Variants in KHDC1 observed in about 807,000 individuals in gnomAD.
KHDC1 encodes the protein KH homology domain-containing protein 1.
A neutral mutation model predicts 24.7 loss-of-function variants in KHDC1; 21 were observed. The ratio of observed to expected loss-of-function variants is 0.85; its 90% CI spans 0.60 to 1.23. The LOEUF (loss-of-function observed/expected upper bound fraction) is 1.23, where lower values mean the gene tolerates loss of function less well. Among genes scored for constraint, KHDC1 ranks in the 50% most tolerant of loss-of-function variants. The probability of loss-of-function intolerance (pLI) is 0.00; values close to 1 mark genes in which losing one functional copy is unlikely to be tolerated. For missense variants in KHDC1, 274 were observed against 298.5 expected (o/e 0.92, Z 0.61); for synonymous variants, 98 against 111.7 (o/e 0.88, Z 0.77).
intron 2 of KHDC1, among the ~76,000 whole-genome samples, chr6:73,264,064 T>G (rs1767036394): frequency 6.6e-6 from 1 of 152,074 alleles, no homozygotes; most frequent in Admixed American, 6.6e-5. Flanking sequence ...CTGGGCATGG[T>G]GGTGCACGCC....
In KHDC1 at chr6:73,309,816, A is replaced by T. The variant is rs1768046975; in HGVS notation, c.-102T>A. On this transcript the variant is annotated 5_prime_UTR_variant, in exon 1 of 5. Transcript: ENST00000370384. ...GCCGGCGGGAAGAGACCAGACACCG[A>T]CGGAGAAGCGAAGTTCAGGACGCGA... 6 of 1,383,426 alleles carry T rather than the reference A, an allele frequency of 4.3e-6. 1 individual carries two copies. Among genetic ancestry groups the T allele is most frequent in the Non-Finnish European group, 1.9e-6 (2 of 1,027,986 alleles). The allele number at this position is 1,383,426 out of a possible 1,614,324, so 85.7% of individuals were successfully genotyped here.
rs200318284 is a variant in KHDC1, at chr6:73,298,422, AAT to A, written c.164-6384_164-6383del. 4.8e-4 allele frequency among the ~76,000 whole-genome samples: 55 copies of A among 115,074 alleles called. 1 individual carries two copies. Among genetic ancestry groups the A allele is most frequent in the Non-Finnish European group, 6.7e-4 (41 of 61,320 alleles). 75.5% of individuals were successfully genotyped at this position (115,074 alleles called of 152,430 possible). On this transcript the variant is annotated intron_variant, in intron 1 of 4. Transcript: ENST00000370384. ...CCCTGGAAGGACTCTATACTTTGCA[AAT>A]TTTTTTTTTTTTTTTTTTTTTTTTT...
intron 1 of KHDC1, among the ~76,000 whole-genome samples, chr6:73,303,013 G>T (rs1308138208): frequency 1.3e-5 from 2 of 152,176 alleles, no homozygotes; most frequent in African/African-American, 4.8e-5. Flanking sequence ...AGAGGCAGAG[G>T]TTGCAGTGAG....
At chr6:73,287,307 C>G (rs1767540750) in intron 2 of KHDC1, among the ~76,000 whole-genome samples, 1 of 152,200 alleles carries the variant, frequency 6.6e-6, no homozygotes, top group South Asian at 2.1e-4. Flanking sequence ...GTCAAGGCCA[C>G]TTAACCCTCA....
chr6:73,242,511 T>C (rs1007360498), exon 3 of KHDC1: 5 of 1,614,020 alleles, frequency 3.1e-6, no homozygotes, highest in Non-Finnish European at 4.2e-6. Context: ...CTCGTTCCCA[T>C]GTCCATGCTC....
At chr6:73,291,969 G>C (rs1472727555) in intron 2 of KHDC1, 5 of 1,612,588 alleles carry the variant, frequency 3.1e-6, no homozygotes, top group Non-Finnish European at 4.2e-6. Flanking sequence ...AAGATGGCGG[G>C]GTACGACTTA....
At chr6:73,304,634 A>G (rs1767929472) in intron 1 of KHDC1, among the ~76,000 whole-genome samples, 1 of 152,146 alleles carries the variant, frequency 6.6e-6, no homozygotes, top group Admixed American at 6.6e-5. Context: ...TATCTTCTGA[A>G]TTTGCTACAA....
At chr6:73,277,780 T>A (rs1767324569) in intron 2 of KHDC1, among the ~76,000 whole-genome samples, 1 of 150,690 alleles carries the variant, frequency 6.6e-6, no homozygotes, top group South Asian at 2.1e-4. Flanking sequence ...GGCAAGAGGA[T>A]CACTTGGGCC....
intron 2 of KHDC1, among the ~76,000 whole-genome samples, chr6:73,277,103 C>G (rs1198303153): frequency 6.6e-6 from 1 of 152,076 alleles, no homozygotes; most frequent in Non-Finnish European, 1.5e-5. Context: ...AAAAAATAGG[C>G]TCTATAAATT....
At chr6:73,245,764 C>A (rs1223558920) in intron 2 of KHDC1, among the ~76,000 whole-genome samples, 13 of 152,192 alleles carry the variant, frequency 8.5e-5, no homozygotes, top group African/African-American at 3.1e-4. Context: ...AGACACACCC[C>A]CCACCACCCA....
intron 2 of KHDC1, among the ~76,000 whole-genome samples, chr6:73,283,385 T>C (rs1161633932): frequency 1.3e-5 from 2 of 152,100 alleles, no homozygotes; most frequent in Non-Finnish European, 2.9e-5. Flanking sequence ...TTGTTTCTTA[T>C]TCCATTGGCT....
At chr6:73,277,345 A>G (rs1767316953) in intron 2 of KHDC1, among the ~76,000 whole-genome samples, 2 of 149,924 alleles carry the variant, frequency 1.3e-5, no homozygotes, top group Admixed American at 6.6e-5. Flanking sequence ...TGCGCCTATA[A>G]TCCCAGCTAC....
rs567769174 is a variant in KHDC1 at position 73,262,078 on chromosome 6, C to CA, written c.207-19549dup. On this transcript the variant is annotated intron_variant, in intron 2 of 4. Transcript: ENST00000370384. ...TAGGCAGCAGGAAAGAGGCCCTTCT[C>CA]AAAAAAAAAAAAGCATAGACTCTAG... Among the ~76,000 whole-genome samples, 1,235 of 139,320 alleles carry CA rather than the reference C, an allele frequency of 8.9e-3. 14 individuals carry two copies. Among genetic ancestry groups the CA allele is most frequent in the African/African-American group, 0.027 (1,018 of 38,102 alleles). The allele number at this position is 139,320 out of a possible 152,430, so 91.4% of individuals were successfully genotyped here. A position where few individuals can be genotyped will look rare whatever the true frequency, so the allele number is the denominator to read the frequency against.
intron 2 of KHDC1, among the ~76,000 whole-genome samples, chr6:73,250,896 G>A (rs1766767402): frequency 6.6e-6 from 1 of 152,178 alleles, no homozygotes; most frequent in South Asian, 2.1e-4. Flanking sequence ...CTGCAGTGCA[G>A]TGGTGCAATC....
chr6:73,286,482 A>C (rs1435882467), intron 2 of KHDC1, among the ~76,000 whole-genome samples: 1 of 152,218 alleles, frequency 6.6e-6, no homozygotes, highest in African/African-American at 2.4e-5. Context: ...CCAACTTTTC[A>C]TTGATCAACT....
chr6:73,270,693 CTT>C (rs796508631), intron 2 of KHDC1, among the ~76,000 whole-genome samples: 1 of 144,810 alleles, frequency 6.9e-6, no homozygotes, highest in Non-Finnish European at 1.5e-5. Flanking sequence ...TCTATTTTTT[CTT>C]TTTTTTTTTT....
chr6:73,293,989 G>C (rs1327347214), intron 1 of KHDC1, among the ~76,000 whole-genome samples: 1 of 139,946 alleles, frequency 7.1e-6, no homozygotes, highest in African/African-American at 2.6e-5. Context: ...CTGGGCAACA[G>C]AGTGAGACTC....
intron 2 of KHDC1, among the ~76,000 whole-genome samples, chr6:73,257,462 G>A (rs1474843287): frequency 6.6e-6 from 1 of 152,078 alleles, no homozygotes; most frequent in Non-Finnish European, 1.5e-5. Context: ...TGGAGTACAC[G>A]ATCTCGGCTC....
At chr6:73,292,321 G>A (rs1448163659) in intron 1 of KHDC1, 2 of 992,464 alleles carry the variant, frequency 2.0e-6, no homozygotes, top group South Asian at 1.3e-5. Context: ...TGGCGGACAA[G>A]CATGGTTTTA....
Sources: allele counts gnomAD v4.1 joint callset (sites outside exome capture counted in the v4.1 genomes callset), GRCh38; gene constraint gnomAD v4.1.1; transcripts MANE v1.5; gene names NCBI Gene and HGNC (gene_info 2026-07-23, HGNC 2026-07-21).